The following COL27A1 variants were observed in gnomAD, a reference collection of about 807,000 sequenced individuals.
COL27A1 encodes collagen alpha-1(XXVII) chain.
COL27A1 carries 106 observed loss-of-function variants against 251.3 expected under a neutral mutation model. The observed-to-expected ratio is 0.42, with a 90% CI of 0.36 to 0.50. COL27A1 has a LOEUF of 0.50. Among genes scored for constraint, COL27A1 ranks in the 20% least tolerant of loss-of-function variants. COL27A1 has a pLI of 0.00. For missense variants in COL27A1, 2,325 were observed against 2,522.8 expected (o/e 0.92, Z 1.68); for synonymous variants, 1,000 against 986.3 (o/e 1.01, Z -0.26).
intron 3 of COL27A1, among the ~76,000 whole-genome samples, chr9:114,173,981 CA>C (rs1849512690): frequency 2.4e-5 from 2 of 85,076 alleles, no homozygotes; most frequent in African/African-American, 4.0e-5. Flanking sequence ...GGACTGCCCC[CA>C]TTTTTTTTTT....
Position 114,162,768 on chromosome 9 carries a change from C to T in COL27A1, c.116C>T (p.Thr39Ile), listed in dbSNP as rs773653573. 69 of 1,612,528 alleles carry T rather than the reference C, an allele frequency of 4.3e-5. 1 individual carries two copies. In the South Asian group the frequency reaches 7.6e-4, roughly 18 times the overall value. Residue 39 changes from threonine (T) to isoleucine (I), a missense_variant, in exon 2 of 61, where the codon ACC (threonine) becomes ATC (isoleucine). By Grantham distance (89) the Thr-to-Ile change is moderately conservative (BLOSUM62 -1). Transcript: ENST00000356083. ...TCGTTTGCCTGTCACCTGGCCTCCACCCAAGGAGCTCCTGAAGGTAATTCT... is the reference window on the plus strand; with the variant it reads ...TCGTTTGCCTGTCACCTGGCCTCCATCCAAGGAGCTCCTGAAGGTAATTCT... ...LVSFACHLAS[T>I]QGAPEDVDIL...
In COL27A1 at chr9:114,263,496, G is replaced by C. The variant is rs150643740; in HGVS notation, c.3196-859G>C. On this transcript the variant is annotated intron_variant, in intron 28 of 60. Coordinates refer to ENST00000356083, the MANE Select transcript of COL27A1 (RefSeq NM_032888.4). ...TGTTTTCCACGGGTTTTTTCCAGGA[G>C]AGCCCAGCCCATCTGCGTCTCTGTG... Among the ~76,000 whole-genome samples the C allele has an allele frequency of 2.7e-3, 408 of 152,190 alleles. 4 individuals are homozygous for C. The highest frequency in any genetic ancestry group is 9.2e-3 in the African/African-American group (382 of 41,528).
intron 37 of COL27A1, 115 bp downstream of exon 37, chr9:114,275,883 T>A: frequency 1.5e-6 from 1 of 645,578 alleles, no homozygotes; most frequent in Non-Finnish European, 2.6e-6. Flanking sequence ...GATCTTCTGC[T>A]GTGGTCCTTT....
rs2241671 is a variant in COL27A1, at chr9:114,168,819, G to A, written c.1264G>A (p.Ala422Thr). 0.41 allele frequency: 665,849 copies of A among 1,613,426 alleles called. 138,994 individuals carry two copies. Among genetic ancestry groups the A allele is most frequent in the East Asian group, 0.52 (23,374 of 44,816 alleles). Reference protein sequence around the residue: ...RPVPARVSRPAEKPIQRNPGM... With the variant: ...RPVPARVSRPTEKPIQRNPGM... Reference sequence around the variant, plus strand: ...AGTTCCTGCCAGAGTCTCCCGTCCCGCAGAGAAGCCCATCCAGAGGAACCC... The same window carrying A: ...AGTTCCTGCCAGAGTCTCCCGTCCCACAGAGAAGCCCATCCAGAGGAACCC... The change falls in exon 3 of 61, where the codon GCA (alanine) becomes ACA (threonine). Residue 422 changes from alanine (A) to threonine (T), a missense_variant. Physicochemically the swap from Ala to Thr is moderately conservative, Grantham distance 58. Around this residue, in one of 4 missense-constraint regions of COL27A1, gnomAD observed 1,183 missense variants for 1,144.1 expected, o/e 1.03. Transcript: ENST00000356083.
chr9:114,157,484 ATTC>A (rs1223198790), intron 1 of COL27A1, among the ~76,000 whole-genome samples: 2 of 152,096 alleles, frequency 1.3e-5, no homozygotes, highest in South Asian at 4.2e-4. Flanking sequence ...TACTCAGAAC[ATTC>A]TCCCTCTCCT....
intron 15 of COL27A1, 58 bp from the exon 16 acceptor site, chr9:114,231,764 C>G (rs1210300747): frequency 8.3e-6 from 13 of 1,570,852 alleles, no homozygotes; most frequent in South Asian, 4.4e-5. Flanking sequence ...TAAGCCAGGG[C>G]TCCTGACTTC....
chr9:114,218,098 C>T (rs906773149), intron 12 of COL27A1: 1 of 265,672 alleles, frequency 3.8e-6, no homozygotes, highest in Non-Finnish European at 7.4e-6. Flanking sequence ...CAGAGTGAGA[C>T]CCTGTATCAT....
At chr9:114,244,210 C>G (rs190315085) in intron 23 of COL27A1, among the ~76,000 whole-genome samples, 1 of 151,994 alleles carries the variant, frequency 6.6e-6, no homozygotes, top group Non-Finnish European at 1.5e-5. Context: ...GTCAAGAGAT[C>G]GAAACTATCC....
intron 54 of COL27A1, 65 bp downstream of exon 54, chr9:114,301,527 C>G: frequency 6.4e-7 from 1 of 1,573,716 alleles, no homozygotes. Context: ...ATTCTCCTCC[C>G]GGTGGTACAT....
chr9:114,227,620 G>A (rs11794759), intron 14 of COL27A1, among the ~76,000 whole-genome samples: 69,093 of 151,814 alleles, frequency 0.46, 17,981 homozygotes, highest in Admixed American at 0.59. Flanking sequence ...CTATTGCTAA[G>A]GAGGGTTCAA....
intron 41 of COL27A1, 84 bp downstream of exon 41, chr9:114,284,861 G>C: frequency 6.7e-7 from 1 of 1,484,478 alleles, no homozygotes; most frequent in Non-Finnish European, 9.4e-7. Flanking sequence ...GAAAGCCCCT[G>C]GGGTACCCAT....
chr9:114,283,862 C>T (rs1424284836), intron 40 of COL27A1, 100 bp downstream of exon 40: 6 of 1,243,586 alleles, frequency 4.8e-6, no homozygotes, highest in Non-Finnish European at 7.0e-6. Flanking sequence ...CAGCTGAAGG[C>T]TGACCCCTGG....
chr9:114,258,683 G>C, intron 28 of COL27A1, 89 bp downstream of exon 28: 10 of 1,341,540 alleles, frequency 7.5e-6, no homozygotes, highest in Non-Finnish European at 8.4e-6. Context: ...CCTGGGCTTT[G>C]CCCCTAGCCC....
In COL27A1 at chr9:114,290,275, G is replaced by C. The variant is rs141277735; in HGVS notation, c.4312G>C (p.Glu1438Gln). The change falls in exon 47 of 61, where the codon GAG becomes CAG. Residue 1438 changes from glutamate (E) to glutamine (Q), a missense_variant. Physicochemically the swap from Glu to Gln is conservative, Grantham distance 29. Transcript: ENST00000356083. This position sits in a 1 kb window ranked among gnomAD's most constrained non-coding sequence, Gnocchi z 4.6. ...PRGVVGRQGL[E>Q]GIAGPDGLPG... ...GGGCGTGGTGGGGAGACAGGGCCTC[G>C]AGGGCATCGCTGGACCAGATGGGCT... 10 of 1,580,822 alleles carry C rather than the reference G, an allele frequency of 6.3e-6. No individual in the cohort carries two copies. Among genetic ancestry groups the C allele is most frequent in the Admixed American group, 1.9e-5 (1 of 53,992 alleles).
intron 3 of COL27A1, among the ~76,000 whole-genome samples, chr9:114,173,697 T>C (rs1378432613): frequency 6.9e-6 from 1 of 145,720 alleles, no homozygotes; most frequent in African/African-American, 2.6e-5. Flanking sequence ...TTCAGTGAGA[T>C]GCGGGGGTCG....
At chr9:114,216,508 C>T (rs1297475199) in intron 12 of COL27A1, among the ~76,000 whole-genome samples, 1 of 152,240 alleles carries the variant, frequency 6.6e-6, no homozygotes, top group African/African-American at 2.4e-5. Flanking sequence ...GGAAATGGCT[C>T]TGCCACTTAG....
chr9:114,252,874 G>C lies in COL27A1; in HGVS notation c.3088-5G>C, dbSNP rs1443835101. ...ATTCCTCCTTTGTCTTCTCTGTCTT[G>C]GCAGGGTCATCCTGGAATGCCAGGT... On this transcript the variant is annotated splice_polypyrimidine_tract_variant and splice_region_variant and intron_variant, in intron 26 of 60. Coordinates refer to ENST00000356083, the MANE Select transcript of COL27A1 (RefSeq NM_032888.4). The C allele has an allele frequency of 1.9e-6, 3 of 1,613,802 alleles. No homozygotes were observed. The highest frequency in any genetic ancestry group is 2.5e-6 in the Non-Finnish European group (3 of 1,179,754).
intron 1 of COL27A1, among the ~76,000 whole-genome samples, chr9:114,161,647 C>A (rs1169913819): frequency 6.6e-6 from 1 of 152,224 alleles, no homozygotes; most frequent in Non-Finnish European, 1.5e-5. Context: ...CAGCCTTAGC[C>A]CTCACCACCC....
At chr9:114,171,067 C>G (rs1393070106) in intron 3 of COL27A1, among the ~76,000 whole-genome samples, 1 of 152,188 alleles carries the variant, frequency 6.6e-6, no homozygotes, top group African/African-American at 2.4e-5. Context: ...CTTGGGTCTG[C>G]TGTATGTCTG....
Sources: allele counts gnomAD v4.1 joint callset (sites outside exome capture counted in the v4.1 genomes callset), GRCh38; gene constraint gnomAD v4.1.1; regional missense constraint gnomAD v4.1.1; non-coding constraint Gnocchi (gnomAD v3.1); transcripts MANE v1.5; gene names NCBI Gene and HGNC (gene_info 2026-07-23, HGNC 2026-07-21).